Variants in TBC1D8 observed in about 807,000 individuals in gnomAD.
TBC1D8 encodes the protein TBC1 domain family member 8.
TBC1D8 carries 65 observed loss-of-function variants against 118.8 expected under a neutral mutation model. The observed-to-expected ratio is 0.55, with a 90% CI of 0.45 to 0.67. TBC1D8 has a LOEUF of 0.67. Among genes scored for constraint, TBC1D8 ranks in the 30% least tolerant of loss-of-function variants. The pLI, the probability that TBC1D8 is intolerant of heterozygous loss-of-function variation, is 0.00. For missense variants in TBC1D8, 1,376 were observed against 1,471.2 expected (o/e 0.94, Z 1.06); for synonymous variants, 566 against 595.8 (o/e 0.95, Z 0.73).
chr2:101,125,202 C>T (rs1678300230), intron 1 of TBC1D8, among the ~76,000 whole-genome samples: 1 of 151,940 alleles, frequency 6.6e-6, no homozygotes, highest in South Asian at 2.1e-4. Context: ...GCCCAGGGGG[C>T]ACCCGGGGCC....
intron 1 of TBC1D8, among the ~76,000 whole-genome samples, chr2:101,122,621 G>A (rs945198318): frequency 2.6e-5 from 4 of 151,894 alleles, no homozygotes; most frequent in Non-Finnish European, 5.9e-5. Context: ...ATTTTGTTAC[G>A]TTTCATTCCC....
chr2:101,129,984 T>C (rs1285936783), intron 1 of TBC1D8, among the ~76,000 whole-genome samples: 1 of 151,840 alleles, frequency 6.6e-6, no homozygotes, highest in African/African-American at 2.4e-5. Context: ...GATCAGTCAG[T>C]GGACCTTTTC....
chr2:101,039,061 C>A (rs1476125466), intron 6 of TBC1D8, among the ~76,000 whole-genome samples: 1 of 152,014 alleles, frequency 6.6e-6, no homozygotes, highest in Non-Finnish European at 1.5e-5. Flanking sequence ...TTGCTAGGGG[C>A]TGGGGGAAGG....
At chr2:101,054,077 A>G in intron 4 of TBC1D8, 31 bp downstream of exon 4, 1 of 1,583,242 alleles carries the variant, frequency 6.3e-7, no homozygotes, top group Non-Finnish European at 8.6e-7. Context: ...GGCCAACTTT[A>G]TCTTGGAAGA....
At chr2:101,026,213 A>C (rs1244181087) in intron 15 of TBC1D8, among the ~76,000 whole-genome samples, 1 of 152,196 alleles carries the variant, frequency 6.6e-6, no homozygotes, top group Non-Finnish European at 1.5e-5. Context: ...AAGTCTTTTT[A>C]AGGTAAAAAA....
At chr2:101,082,939 T>C (rs1302374696) in intron 2 of TBC1D8, among the ~76,000 whole-genome samples, 1 of 152,240 alleles carries the variant, frequency 6.6e-6, no homozygotes, top group Non-Finnish European at 1.5e-5. Flanking sequence ...TTATGTTATA[T>C]ATATTTTACA....
At chr2:101,049,488 G>A (rs1449606032) in intron 5 of TBC1D8, among the ~76,000 whole-genome samples, 1 of 152,132 alleles carries the variant, frequency 6.6e-6, no homozygotes, top group Non-Finnish European at 1.5e-5. Context: ...CAGCACTTTG[G>A]GAGGCTGAGG....
At chr2:101,065,272 C>T (rs189508326) in intron 2 of TBC1D8, among the ~76,000 whole-genome samples, 1 of 152,318 alleles carries the variant, frequency 6.6e-6, no homozygotes, top group Non-Finnish European at 1.5e-5. Flanking sequence ...AGATCTGTTC[C>T]TCTGAAATGA....
At chr2:101,106,593 ACACATG>A (rs1347171350) in intron 1 of TBC1D8, among the ~76,000 whole-genome samples, 5 of 152,264 alleles carry the variant, frequency 3.3e-5, no homozygotes, top group Admixed American at 3.3e-4. Flanking sequence ...TGAAACTACT[ACACATG>A]CACAGATGGT....
intron 1 of TBC1D8, among the ~76,000 whole-genome samples, chr2:101,095,401 CCT>C (rs1676344432): frequency 3.0e-5 from 4 of 135,168 alleles, no homozygotes; most frequent in African/African-American, 8.1e-5. Context: ...TCTCCCCCCC[CCT>C]CCCCCCACCC....
Position 101,008,143 on chromosome 2 carries a change from C to T in TBC1D8, c.3146G>A (p.Gly1049Asp). Residue 1049 changes from glycine to aspartate, a missense_variant, in exon 20 of 20, where the codon GGC becomes GAC. Physicochemically the swap from Gly to Asp is moderately conservative, Grantham distance 94. Coordinates refer to ENST00000409318, the MANE Select transcript of TBC1D8 (RefSeq NM_001330348.2). ...CTGGGAGCAGCTTCCAGAGCTGCTG[C>T]CTCGCTGCCCCACCTCCCCGATCTG... ...LLQIGEVGQR[G>D]SSSGSCSQEC... The T allele has an allele frequency of 6.2e-7, 1 of 1,613,796 alleles. No homozygotes were observed. The highest frequency in any genetic ancestry group is 1.1e-5 in the South Asian group (1 of 91,064).
intron 1 of TBC1D8, among the ~76,000 whole-genome samples, chr2:101,124,207 G>C (rs553379075): frequency 1.3e-5 from 2 of 152,288 alleles, no homozygotes; most frequent in South Asian, 4.1e-4. Flanking sequence ...GCAGGAGAGA[G>C]GAGGTGGAGG....
intron 15 of TBC1D8, chr2:101,023,870 G>C (rs1463399041): frequency 5.5e-6 from 1 of 180,448 alleles, no homozygotes; most frequent in Non-Finnish European, 1.3e-5. Context: ...AGATGCTGTA[G>C]TCTGCAAGCT....
intron 17 of TBC1D8, among the ~76,000 whole-genome samples, chr2:101,020,185 A>C (rs1261552720): frequency 1.3e-5 from 2 of 152,172 alleles, no homozygotes; most frequent in East Asian, 3.8e-4. Flanking sequence ...CATCTGTACT[A>C]ATCTATGCAA....
intron 19 of TBC1D8, among the ~76,000 whole-genome samples, chr2:101,009,860 C>G (rs1197056630): frequency 6.8e-6 from 1 of 147,024 alleles, no homozygotes; most frequent in African/African-American, 2.5e-5. Context: ...CTCGCTCTGT[C>G]GCCCAGGCTG....
At chr2:101,013,336 T>C (rs142851549) in intron 17 of TBC1D8, among the ~76,000 whole-genome samples, 241 of 152,362 alleles carry the variant, frequency 1.6e-3, no homozygotes, top group African/African-American at 5.6e-3. Flanking sequence ...TAAGAATGCA[T>C]ACAGTCTTTA....
chr2:101,150,495 G>A (rs1241046361), intron 1 of TBC1D8, among the ~76,000 whole-genome samples: 2 of 152,142 alleles, frequency 1.3e-5, no homozygotes, highest in Non-Finnish European at 2.9e-5. Context: ...TCAACTTTAC[G>A]AGCCTGGGTT....
At chr2:101,112,249 C>A (rs1006411337) in intron 1 of TBC1D8, among the ~76,000 whole-genome samples, 3 of 152,192 alleles carry the variant, frequency 2.0e-5, no homozygotes, top group Non-Finnish European at 4.4e-5. Flanking sequence ...AGCTCCAAAC[C>A]CAGTCACTGC....
chr2:101,151,247 G>A lies in TBC1D8; in HGVS notation c.7C>T (p.Leu3Phe). The A allele has an allele frequency of 8.5e-7, 1 of 1,181,528 alleles. No individual in the cohort carries two copies. 73.2% of individuals were successfully genotyped at this position (1,181,528 alleles called of 1,614,324 possible). Residue 3 changes from leucine to phenylalanine, a missense_variant, in exon 1 of 20, where the codon CTC (leucine) becomes TTC (phenylalanine). Leu to Phe is a conservative substitution (Grantham distance 22). Transcript: ENST00000409318. The stretch of plus-strand genomic sequence containing the variant: ...TTCAGCAGCACCTCCTCGGGCTTGA[G>A]CCACATCGCGGCGGTCCGGCCGCGC... MW[L>F]KPEEVLLKNA... is the part of the protein sequence containing the mutation.
Sources: allele counts gnomAD v4.1 joint callset (sites outside exome capture counted in the v4.1 genomes callset), GRCh38; gene constraint gnomAD v4.1.1; transcripts MANE v1.5; gene names NCBI Gene and HGNC (gene_info 2026-07-23, HGNC 2026-07-21).